Variants in PPM1L observed in about 807,000 individuals in gnomAD.
PPM1L encodes the protein protein phosphatase 1L.
PPM1L carries 13 observed loss-of-function variants against 31.4 expected under a neutral mutation model. The observed-to-expected ratio is 0.41, with a 90% CI of 0.27 to 0.66. PPM1L has a LOEUF of 0.66. Among genes scored for constraint, PPM1L ranks in the 30% least tolerant of loss-of-function variants. PPM1L has a pLI of 0.29. For synonymous variants in PPM1L, 184 were observed against 175.4 expected (o/e 1.05, Z -0.39); for missense variants, 326 against 453.7 (o/e 0.72, Z 2.56).
At chr3:161,005,320 C>G (rs1312542326) in intron 2 of PPM1L, among the ~76,000 whole-genome samples, 1 of 152,150 alleles carries the variant, frequency 6.6e-6, no homozygotes, top group African/African-American at 2.4e-5. Flanking sequence ...CAGCACAGTA[C>G]TAGTTTCTAT....
At chr3:160,767,583 A>G (rs1425645383) in intron 1 of PPM1L, among the ~76,000 whole-genome samples, 1 of 152,198 alleles carries the variant, frequency 6.6e-6, no homozygotes, top group Non-Finnish European at 1.5e-5. Flanking sequence ...TTGCATGTCA[A>G]TAAACCTTGT....
intron 2 of PPM1L, among the ~76,000 whole-genome samples, chr3:161,022,875 A>G (rs1464896821): frequency 6.6e-6 from 1 of 152,068 alleles, no homozygotes. Context: ...TGTGTTAGCC[A>G]GAATGGTCTC....
intron 2 of PPM1L, among the ~76,000 whole-genome samples, chr3:161,034,621 T>G (rs1271948003): frequency 6.6e-6 from 1 of 151,016 alleles, no homozygotes; most frequent in Non-Finnish European, 1.5e-5. Context: ...ATGTTCTCAT[T>G]TATAAGTGGG....
At chr3:160,766,741 G>C (rs1472667096) in intron 1 of PPM1L, among the ~76,000 whole-genome samples, 1 of 147,464 alleles carries the variant, frequency 6.8e-6, no homozygotes, top group Admixed American at 6.7e-5. Flanking sequence ...GATCTCTCTG[G>C]AGGTTTTTTT....
At chr3:160,784,005 G>A in intron 1 of PPM1L, among the ~76,000 whole-genome samples, 1 of 152,292 alleles carries the variant, frequency 6.6e-6, no homozygotes, top group Non-Finnish European at 1.5e-5. Context: ...TATAATTTAT[G>A]TGAATTGTTA....
At chr3:160,825,384 AC>A (rs1017540392) in intron 1 of PPM1L, among the ~76,000 whole-genome samples, 1 of 152,084 alleles carries the variant, frequency 6.6e-6, no homozygotes, top group African/African-American at 2.4e-5. Context: ...GACCATTTTG[AC>A]CTAAAAAAGT....
rs565957632 is a variant in PPM1L, at chr3:160,865,269, G to T, written c.400-96467G>T. On this transcript the variant is annotated intron_variant, in intron 1 of 3. Coordinates refer to ENST00000498165, the MANE Select transcript of PPM1L (RefSeq NM_139245.4). ...ATGAAATCATGAAATATGCAAATAA[G>T]GCAAATATAAACATGTTCATCAAAT... Among the ~76,000 whole-genome samples the T allele has an allele frequency of 4.0e-4, 61 of 152,132 alleles. No individual in the cohort carries two copies. The Middle Eastern group carries it at 0.01, about 25-fold the overall frequency.
intron 2 of PPM1L, among the ~76,000 whole-genome samples, chr3:161,020,124 C>CAAA (rs11363095): frequency 1.7e-5 from 2 of 115,408 alleles, no homozygotes; most frequent in African/African-American, 3.1e-5. Flanking sequence ...GACTCCACCT[C>CAAA]AAAAAAAAAA....
At chr3:161,001,059 A>G (rs757108025) in intron 2 of PPM1L, among the ~76,000 whole-genome samples, 2 of 152,238 alleles carry the variant, frequency 1.3e-5, no homozygotes, top group Admixed American at 1.3e-4. Context: ...ACTTCAAATT[A>G]TTGAGATTTA....
intron 2 of PPM1L, among the ~76,000 whole-genome samples, chr3:160,966,712 A>T (rs1469958622): frequency 1.3e-5 from 2 of 152,094 alleles, no homozygotes; most frequent in East Asian, 1.9e-4. Flanking sequence ...GGGGAAGGGG[A>T]TGATACTTGG....
intron 2 of PPM1L, chr3:161,022,428 T>C: frequency 3.1e-6 from 1 of 323,150 alleles, no homozygotes; most frequent in Non-Finnish European, 5.5e-6. Context: ...AAAATATAAT[T>C]CTTTTTAAAT....
intron 1 of PPM1L, among the ~76,000 whole-genome samples, chr3:160,798,574 A>C (rs1179803695): frequency 1.3e-5 from 2 of 152,214 alleles, no homozygotes; most frequent in African/African-American, 4.8e-5. Context: ...TGCATATTTT[A>C]AGCTCACTAT....
intron 2 of PPM1L, among the ~76,000 whole-genome samples, chr3:160,977,207 C>G (rs183022940): frequency 6.6e-6 from 1 of 152,222 alleles, no homozygotes; most frequent in East Asian, 1.9e-4. Flanking sequence ...GGCTGTGTGG[C>G]TTAGGCCATT....
At chr3:160,835,436 T>C (rs1713686061) in intron 1 of PPM1L, among the ~76,000 whole-genome samples, 1 of 152,150 alleles carries the variant, frequency 6.6e-6, no homozygotes, top group Non-Finnish European at 1.5e-5. Context: ...TAAATTTTTT[T>C]ACTTGTGTTT....
chr3:161,035,222 A>T (rs1718711331), intron 2 of PPM1L, among the ~76,000 whole-genome samples: 1 of 152,040 alleles, frequency 6.6e-6, no homozygotes, highest in Non-Finnish European at 1.5e-5. Flanking sequence ...AAAAAAAAAA[A>T]AAAGAGTGAG....
rs1345567145 is a variant in PPM1L, at chr3:161,043,828, G to A, written c.575-21575G>A. The stretch of plus-strand genomic sequence containing the variant: ...CTTTCAGCAGTAAATTGGTCTCAGG[G>A]TGCTGGAGAGGATGTATCTGGTGGT... On this transcript the variant is annotated intron_variant, in intron 2 of 3. Coordinates refer to ENST00000498165, the MANE Select transcript of PPM1L (RefSeq NM_139245.4). Among the ~76,000 whole-genome samples the A allele has an allele frequency of 2.0e-5, 3 of 152,164 alleles. No homozygotes were observed. The South Asian group carries it at 6.2e-4, about 32-fold the overall frequency.
At chr3:160,913,648 T>C (rs1471898887) in intron 1 of PPM1L, among the ~76,000 whole-genome samples, 3 of 152,180 alleles carry the variant, frequency 2.0e-5, no homozygotes, top group Admixed American at 2.0e-4. Context: ...AATGAGATCG[T>C]ATAATATGTA....
intron 1 of PPM1L, among the ~76,000 whole-genome samples, chr3:160,782,277 G>A (rs1433438213): frequency 6.6e-6 from 1 of 151,984 alleles, no homozygotes; most frequent in Non-Finnish European, 1.5e-5. Flanking sequence ...GGTTTATCAC[G>A]TTCACCTTTT....
At chr3:160,942,875 A>G (rs1715207791) in intron 1 of PPM1L, among the ~76,000 whole-genome samples, 2 of 152,160 alleles carry the variant, frequency 1.3e-5, no homozygotes, top group Admixed American at 1.3e-4. Flanking sequence ...GAAATTCTTT[A>G]TGATTTTTCA....
Sources: gnomAD v4.1 joint callset for allele counts (sites outside exome capture counted in the v4.1 genomes callset) on GRCh38, gnomAD v4.1.1 for gene constraint, MANE v1.5 for transcripts, NCBI Gene and HGNC (gene_info 2026-07-23, HGNC 2026-07-21) for gene names.